The following FBXW11 variants were observed in gnomAD, a reference collection of about 807,000 sequenced individuals.
FBXW11 encodes the protein F-box and WD repeat domain containing 11, also known as F-box/WD repeat-containing protein 11.
FBXW11 carries 19 observed loss-of-function variants against 77.6 expected under a neutral mutation model. That is an observed-to-expected ratio of 0.24 (90% CI 0.17 to 0.36). FBXW11 has a LOEUF of 0.36. FBXW11 is among the 10% of genes least tolerant of loss of function. The pLI, the probability that FBXW11 is intolerant of heterozygous loss-of-function variation, is 1.00. For synonymous variants in FBXW11, 235 were observed against 249.4 expected (o/e 0.94, Z 0.54); for missense variants, 334 against 704.2 (o/e 0.47, Z 5.95).
intron 1 of FBXW11, among the ~76,000 whole-genome samples, chr5:171,987,402 C>T (rs1045181220): frequency 2.6e-5 from 4 of 152,066 alleles, no homozygotes; most frequent in African/African-American, 7.2e-5. Context: ...TCCATGTTTA[C>T]GTCTAACTTC....
chr5:171,862,092 T>C lies in FBXW11; in HGVS notation c.*2035A>G, dbSNP rs1757125737. 1 of 152,540 alleles carries C rather than the reference T, an allele frequency of 6.6e-6. No homozygotes were observed. 9.4% of individuals were successfully genotyped at this position (152,540 alleles called of 1,614,324 possible). On this transcript the variant is annotated 3_prime_UTR_variant, in exon 14 of 14. Coordinates refer to ENST00000517395, the MANE Select transcript of FBXW11 (RefSeq NM_001378974.1). The stretch of plus-strand genomic sequence containing the variant: ...TTAAACATGCAAAAACAACAAAAAA[T>C]CCATTCATTCATTCAGAATTGCCTC...
chr5:171,935,371 T>C (rs1419449395), intron 2 of FBXW11, among the ~76,000 whole-genome samples: 2 of 151,620 alleles, frequency 1.3e-5, no homozygotes, highest in Non-Finnish European at 2.9e-5. Context: ...AATGTGTAAA[T>C]TTACAATATT....
At chr5:171,912,705 G>C (rs557244411) in intron 3 of FBXW11, among the ~76,000 whole-genome samples, 1 of 152,030 alleles carries the variant, frequency 6.6e-6, no homozygotes, top group Non-Finnish European at 1.5e-5. Context: ...TCAGGAGTTC[G>C]AGACCACTCT....
intron 1 of FBXW11, among the ~76,000 whole-genome samples, chr5:171,998,524 C>G (rs73329855): frequency 0.14 from 20,870 of 151,024 alleles, 2,710 homozygotes; most frequent in African/African-American, 0.35. Flanking sequence ...AGGCTGGGCT[C>G]GATGGCTCAC....
At chr5:171,937,727 C>T (rs1762548112) in intron 2 of FBXW11, among the ~76,000 whole-genome samples, 1 of 150,738 alleles carries the variant, frequency 6.6e-6, no homozygotes, top group Non-Finnish European at 1.5e-5. Flanking sequence ...ACACAGGGGG[C>T]TGAGGTAAGA....
intron 1 of FBXW11, among the ~76,000 whole-genome samples, chr5:171,999,933 C>T (rs776372963): frequency 2.6e-5 from 4 of 152,096 alleles, no homozygotes; most frequent in Non-Finnish European, 5.9e-5. Context: ...TTCCTAAAAA[C>T]GCTTCCCGCT....
intron 2 of FBXW11, among the ~76,000 whole-genome samples, chr5:171,953,026 G>C (rs1242633709): frequency 6.6e-6 from 1 of 152,126 alleles, no homozygotes; most frequent in African/African-American, 2.4e-5. Context: ...CTGGAGTGCA[G>C]TGGTGTGATC....
At chr5:171,999,104 C>T (rs1766257369) in intron 1 of FBXW11, among the ~76,000 whole-genome samples, 1 of 152,044 alleles carries the variant, frequency 6.6e-6, no homozygotes, top group Admixed American at 6.5e-5. Context: ...AAAGTAAAAT[C>T]CCAAGCAAAT....
At position 171,924,404 on chromosome 5, in the gene FBXW11, A is replaced by G. The variant is rs529325360; in HGVS notation, c.148-9999T>C. Among the ~76,000 whole-genome samples, 4 of 151,916 alleles carry G rather than the reference A, an allele frequency of 2.6e-5. No homozygotes were observed. In the South Asian group the frequency reaches 8.3e-4, roughly 32 times the overall value. On this transcript the variant is annotated intron_variant, in intron 2 of 13. Transcript: ENST00000517395. ...TTTTCCAATGCTACTTACTGCCCGCACCTCTCCCATTCTGTGACTATTAAA... is the reference window on the plus strand; with the variant it reads ...TTTTCCAATGCTACTTACTGCCCGCGCCTCTCCCATTCTGTGACTATTAAA...
intron 7 of FBXW11, among the ~76,000 whole-genome samples, chr5:171,883,203 T>C (rs190808872): frequency 1.3e-5 from 2 of 152,292 alleles, no homozygotes; most frequent in African/African-American, 4.8e-5. Flanking sequence ...GGCATTTGGG[T>C]TGGTTCCACA....
chr5:172,006,545 G>T lies in FBXW11; in HGVS notation c.-43C>A, dbSNP rs767800682. 2 of 1,481,604 alleles carry T rather than the reference G, an allele frequency of 1.3e-6. No homozygotes were observed. Among genetic ancestry groups the T allele is most frequent in the Non-Finnish European group, 1.8e-6 (2 of 1,113,482 alleles). The allele number at this position is 1,481,604 out of a possible 1,614,324, so 91.8% of individuals were successfully genotyped here. On this transcript the variant is annotated 5_prime_UTR_variant, in exon 1 of 14. Coordinates refer to ENST00000517395, the MANE Select transcript of FBXW11 (RefSeq NM_001378974.1). ...CGCCTCGCTCTCCCCGCGCAGCAGC[G>T]AACGGCCCGGGCGGAGGAGGCGACG...
chr5:171,974,372 T>A (rs1471321324), intron 1 of FBXW11, among the ~76,000 whole-genome samples: 1 of 147,498 alleles, frequency 6.8e-6, no homozygotes, highest in Middle Eastern at 3.2e-3. Context: ...AGGCGGAGGT[T>A]ATGGTGAGCC....
chr5:171,960,603 T>G (rs1210361279), intron 1 of FBXW11, among the ~76,000 whole-genome samples: 1 of 152,180 alleles, frequency 6.6e-6, no homozygotes, highest in Non-Finnish European at 1.5e-5. Context: ...TTTTTCACAT[T>G]CAGTAAATCA....
intron 1 of FBXW11, among the ~76,000 whole-genome samples, chr5:171,993,916 C>T (rs1765890649): frequency 6.6e-6 from 1 of 152,138 alleles, no homozygotes; most frequent in Non-Finnish European, 1.5e-5. Flanking sequence ...CCATATTGAA[C>T]AGTGCAGACA....
intron 1 of FBXW11, among the ~76,000 whole-genome samples, chr5:171,961,917 C>T (rs1053779586): frequency 2.0e-5 from 3 of 152,108 alleles, no homozygotes; most frequent in Non-Finnish European, 2.9e-5. Flanking sequence ...AAAGTGCTGG[C>T]ATTAAAGGCA....
intron 1 of FBXW11, among the ~76,000 whole-genome samples, chr5:171,970,659 A>G (rs910849053): frequency 2.0e-5 from 3 of 152,210 alleles, no homozygotes; most frequent in Admixed American, 6.5e-5. Flanking sequence ...TTATATACAT[A>G]CGCCCACACA....
chr5:171,903,086 T>C (rs1486243502), intron 4 of FBXW11, among the ~76,000 whole-genome samples: 2 of 152,174 alleles, frequency 1.3e-5, no homozygotes, highest in African/African-American at 4.8e-5. Flanking sequence ...TATTTGGAGT[T>C]TGGTCTTCTT....
chr5:171,903,436 A>G (rs1464789671), intron 4 of FBXW11, among the ~76,000 whole-genome samples: 1 of 152,144 alleles, frequency 6.6e-6, no homozygotes, highest in Non-Finnish European at 1.5e-5. Context: ...AAAATCAGGG[A>G]AATCCAAGGA....
intron 1 of FBXW11, among the ~76,000 whole-genome samples, chr5:171,980,726 A>C (rs1460018992): frequency 6.6e-6 from 1 of 152,214 alleles, no homozygotes; most frequent in Non-Finnish European, 1.5e-5. Context: ...TGCCAGAGGA[A>C]GTATAAGAAT....
Sources: gnomAD v4.1 joint callset for allele counts (sites outside exome capture counted in the v4.1 genomes callset) on GRCh38, gnomAD v4.1.1 for gene constraint, MANE v1.5 for transcripts, NCBI Gene and HGNC (gene_info 2026-07-23, HGNC 2026-07-21) for gene names.